Variants in ARFGAP2 observed in about 807,000 individuals in gnomAD.
ARFGAP2 encodes ARF GTPase activating protein 2, also known as ADP-ribosylation factor GTPase-activating protein 2.
A neutral mutation model predicts 71.9 loss-of-function variants in ARFGAP2; 45 were observed. The ratio of observed to expected loss-of-function variants is 0.63; its 90% CI spans 0.49 to 0.80. The LOEUF is 0.80. ARFGAP2 is among the 30% of genes least tolerant of loss of function. The pLI is 0.00. For missense variants in ARFGAP2, 633 were observed against 673.9 expected (o/e 0.94, Z 0.67); for synonymous variants, 248 against 249.2 (o/e 1.00, Z 0.05).
chr11:47,171,652 G>A lies in ARFGAP2; in HGVS notation c.809+12C>T, dbSNP rs1952604989. ...CCCGCAGAAGCCTGAGGCCCCGGCA[G>A]CAAACACTTACATGGACTCCTCCGC... On this transcript the variant is annotated intron_variant, in intron 9 of 15. Transcript: ENST00000524782. The A allele has an allele frequency of 6.2e-7, 1 of 1,613,662 alleles. No individual in the cohort carries two copies. The highest frequency in any genetic ancestry group is 1.3e-5 in the African/African-American group (1 of 74,940).
intron 1 of ARFGAP2, 36 bp from the exon 2 acceptor site, chr11:47,176,670 C>A: frequency 6.2e-7 from 1 of 1,612,354 alleles, no homozygotes; most frequent in Non-Finnish European, 8.5e-7. Context: ...TCGTCAGGGG[C>A]CCCGAGTAAA....
At chr11:47,169,767 G>C (rs1952524240) in intron 10 of ARFGAP2, among the ~76,000 whole-genome samples, 1 of 151,948 alleles carries the variant, frequency 6.6e-6, no homozygotes, top group Admixed American at 6.6e-5. Context: ...CGGAGGTTGT[G>C]GTGAGCTGAG....
intron 5 of ARFGAP2, 75 bp downstream of exon 5, chr11:47,174,940 G>A (rs928606659): frequency 1.4e-6 from 2 of 1,476,610 alleles, no homozygotes; most frequent in Non-Finnish European, 1.9e-6. Context: ...CTACAACCAT[G>A]ATCACAGAAG....
chr11:47,165,613 C>T (rs531776425), intron 15 of ARFGAP2, 111 bp from the exon 16 acceptor site: 140 of 1,264,696 alleles, frequency 1.1e-4, no homozygotes, highest in Non-Finnish European at 1.4e-4. Flanking sequence ...ACTGGGGAGG[C>T]AGGGGCTGGA....
At position 47,171,462 on chromosome 11, in the gene ARFGAP2, TGCTCTC is replaced by T. The variant is rs778906631; in HGVS notation, c.899_904del (p.Arg300_Glu301del). The T allele has an allele frequency of 6.8e-6, 11 of 1,614,096 alleles. No homozygotes were observed. The highest frequency in any genetic ancestry group is 9.3e-6 in the Non-Finnish European group (11 of 1,180,042). ...CAAGCCCATGCCCAACCTTTCTGCC[TGCTCTC>T]GCTTCTTCCCTTCCAGATTCTGTAG... On this transcript the variant is annotated inframe_deletion, in exon 10 of 16. Coordinates refer to ENST00000524782, the MANE Select transcript of ARFGAP2 (RefSeq NM_032389.6).
intron 2 of ARFGAP2, 193 bp downstream of exon 2, chr11:47,176,323 G>C (rs560332331): frequency 2.3e-5 from 14 of 616,176 alleles, no homozygotes; most frequent in Middle Eastern, 4.4e-4. Context: ...TGGCCCAGAG[G>C]CGGAGACGGA....
At chr11:47,169,569 T>G (rs1431018203) in intron 10 of ARFGAP2, 1 of 150,402 alleles carries the variant, frequency 6.6e-6, no homozygotes, top group African/African-American at 2.4e-5. Context: ...GCAATAGGGC[T>G]GAGTTGGGCC....
chr11:47,176,421 T>G, intron 2 of ARFGAP2, 95 bp downstream of exon 2: 1 of 1,231,494 alleles, frequency 8.1e-7, no homozygotes, highest in Non-Finnish European at 1.2e-6. Context: ...CCCACCGAAT[T>G]CAGAGCGGCC....
At chr11:47,175,775 G>C (rs1952785400) in intron 3 of ARFGAP2, 76 bp downstream of exon 3, 2 of 1,551,784 alleles carry the variant, frequency 1.3e-6, no homozygotes, top group Admixed American at 1.7e-5. Context: ...GAAAACGACA[G>C]GGCCTCTTAG....
At chr11:47,176,049 C>T (rs1181299422) in intron 2 of ARFGAP2, 126 bp from the exon 3 acceptor site, 1 of 853,130 alleles carries the variant, frequency 1.2e-6, no homozygotes, top group Non-Finnish European at 1.9e-6. Context: ...GCCATCACCC[C>T]ATTTCCTCCA....
chr11:47,167,516 C>A (rs1001305315), intron 12 of ARFGAP2, among the ~76,000 whole-genome samples: 1 of 152,114 alleles, frequency 6.6e-6, no homozygotes, highest in African/African-American at 2.4e-5. Flanking sequence ...AGACATAAAA[C>A]CCCTGAAAGG....
chr11:47,174,939 T>C (rs1402498948), intron 5 of ARFGAP2, 76 bp downstream of exon 5: 13 of 1,473,484 alleles, frequency 8.8e-6, no homozygotes, highest in South Asian at 1.2e-5. Context: ...TCTACAACCA[T>C]GATCACAGAA....
rs567862856 is a variant in ARFGAP2 at position 47,175,150 on chromosome 11, C to T, written c.396+32G>A. 12 of 1,614,114 alleles carry T rather than the reference C, an allele frequency of 7.4e-6. No homozygotes were observed. The South Asian group carries it at 1.3e-4, about 18-fold the overall frequency. ...CACAGGGCTCTGAATACTCCTAACC[C>T]TCCTGCCCCAGCCCCAAGAACAGGC... On this transcript the variant is annotated intron_variant, in intron 4 of 15. Coordinates refer to ENST00000524782, the MANE Select transcript of ARFGAP2 (RefSeq NM_032389.6).
At position 47,175,115 on chromosome 11, in the gene ARFGAP2, AC is replaced by A; in HGVS notation, c.397-18del. On this transcript the variant is annotated intron_variant, in intron 4 of 15. Transcript: ENST00000524782. ...TATCCAAAGCTAGAAAGGAGAAGAC[AC>A]CCCTAAAACACAGGGCTCTGAATAC... The A allele has an allele frequency of 6.2e-7, 1 of 1,614,130 alleles. No homozygotes were observed. The highest frequency in any genetic ancestry group is 8.5e-7 in the Non-Finnish European group (1 of 1,180,010).
chr11:47,176,512 C>T lies in ARFGAP2; in HGVS notation c.191+4G>A. ...GAAACACGGCAACCGCGCGGAGAGCCTACCTGATGAAGCTCAGATGGACGC... is the reference window on the plus strand; with the variant it reads ...GAAACACGGCAACCGCGCGGAGAGCTTACCTGATGAAGCTCAGATGGACGC... On this transcript the variant is annotated splice_donor_region_variant and intron_variant, in intron 2 of 15. Coordinates refer to ENST00000524782, the MANE Select transcript of ARFGAP2 (RefSeq NM_032389.6). 1 of 1,612,932 alleles carries T rather than the reference C, an allele frequency of 6.2e-7. No individual in the cohort carries two copies. The highest frequency in any genetic ancestry group is 1.8e-4 in the Middle Eastern group (1 of 5,548).
At chr11:47,165,571 AC>A (rs1228231243) in intron 15 of ARFGAP2, 69 bp from the exon 16 acceptor site, 3 of 1,474,598 alleles carry the variant, frequency 2.0e-6, no homozygotes, top group Non-Finnish European at 2.7e-6. Flanking sequence ...TTCCCAGCAA[AC>A]ACACTGCCTG....
intron 3 of ARFGAP2, chr11:47,175,633 G>A: frequency 1.6e-6 from 1 of 639,740 alleles, no homozygotes; most frequent in Non-Finnish European, 2.7e-6. Flanking sequence ...CAACTCCTGT[G>A]GCTTTTCCCC....
chr11:47,176,657 G>T, intron 1 of ARFGAP2, 23 bp from the exon 2 acceptor site: 1 of 1,613,286 alleles, frequency 6.2e-7, no homozygotes. Context: ...GGCGATGAGC[G>T]AATCGTCAGG....
At chr11:47,171,217 T>G (rs946563833) in intron 10 of ARFGAP2, among the ~76,000 whole-genome samples, 4 of 152,260 alleles carry the variant, frequency 2.6e-5, no homozygotes, top group African/African-American at 9.6e-5. Context: ...TCCTGTGTTT[T>G]GTTCACATAC....
Sources: gnomAD v4.1 joint callset for allele counts (sites outside exome capture counted in the v4.1 genomes callset) on GRCh38, gnomAD v4.1.1 for gene constraint, MANE v1.5 for transcripts, NCBI Gene and HGNC (gene_info 2026-07-23, HGNC 2026-07-21) for gene names.